Variants in TRIM55 observed in about 807,000 individuals in gnomAD.
TRIM55 encodes the protein tripartite motif-containing protein 55.
A neutral mutation model predicts 60.9 loss-of-function variants in TRIM55; 50 were observed. The ratio of observed to expected loss-of-function variants is 0.82; its 90% CI spans 0.65 to 1.04. TRIM55 has a LOEUF of 1.04. TRIM55 is among the 50% of genes least tolerant of loss of function. The pLI is 0.00. For synonymous variants in TRIM55, 237 were observed against 238.1 expected (o/e 1.00, Z 0.04); for missense variants, 681 against 666.9 (o/e 1.02, Z -0.23).
chr8:66,166,124 A>T (rs1313973069), intron 9 of TRIM55, among the ~76,000 whole-genome samples: 1 of 152,228 alleles, frequency 6.6e-6, no homozygotes, highest in Non-Finnish European at 1.5e-5. Flanking sequence ...GGACAATAAA[A>T]AAGTCAATAC....
intron 9 of TRIM55, among the ~76,000 whole-genome samples, chr8:66,161,077 G>C (rs966372813): frequency 3.3e-5 from 5 of 151,778 alleles, no homozygotes; most frequent in Non-Finnish European, 7.4e-5. Context: ...TTGGATTCTT[G>C]GTCATGAAGT....
intron 9 of TRIM55, among the ~76,000 whole-genome samples, chr8:66,165,209 C>A (rs962521992): frequency 6.6e-6 from 1 of 152,122 alleles, no homozygotes; most frequent in African/African-American, 2.4e-5. Flanking sequence ...GGAGGAGCAA[C>A]CTTTGTGAGC....
rs752870512 is a variant in TRIM55, at chr8:66,128,489, C to T, written c.341+13C>T. The T allele has an allele frequency of 1.8e-5, 29 of 1,609,862 alleles. No homozygotes were observed. The highest frequency in any genetic ancestry group is 2.3e-5 in the Non-Finnish European group (27 of 1,178,492). ...AGGAGTCCACCAGGTAACACTCTTC[C>T]ACTCTTCCATGTGTCAAGCCCATCT... On this transcript the variant is annotated intron_variant, in intron 2 of 9. Coordinates refer to ENST00000315962, the MANE Select transcript of TRIM55 (RefSeq NM_184085.2).
At chr8:66,138,562 T>C (rs1462324130) in intron 4 of TRIM55, among the ~76,000 whole-genome samples, 1 of 152,176 alleles carries the variant, frequency 6.6e-6, no homozygotes, top group East Asian at 1.9e-4. Flanking sequence ...GCTAATTTTT[T>C]GTATTTTTAG....
intron 9 of TRIM55, among the ~76,000 whole-genome samples, chr8:66,170,667 T>C (rs1182815051): frequency 2.0e-5 from 3 of 152,084 alleles, no homozygotes; most frequent in African/African-American, 7.2e-5. Context: ...GAGGATGTGG[T>C]AAAATTGGAA....
chr8:66,129,155 G>A (rs1051376167), intron 2 of TRIM55, among the ~76,000 whole-genome samples: 4 of 152,114 alleles, frequency 2.6e-5, no homozygotes, highest in Non-Finnish European at 4.4e-5. Flanking sequence ...GAATAACATC[G>A]TGATAGCATT....
chr8:66,147,217 A>T (rs1302823199), intron 4 of TRIM55, among the ~76,000 whole-genome samples: 2 of 152,238 alleles, frequency 1.3e-5, no homozygotes, highest in Admixed American at 6.5e-5. Context: ...CAGAGTCTTG[A>T]CACAAATGAC....
chr8:66,158,803 C>A (rs984638152), intron 9 of TRIM55, among the ~76,000 whole-genome samples: 2 of 152,174 alleles, frequency 1.3e-5, no homozygotes, highest in Non-Finnish European at 2.9e-5. Flanking sequence ...ATTTCCCAAA[C>A]CATTTTCCAG....
Position 66,150,227 on chromosome 8 carries a change from C to A in TRIM55, c.848C>A (p.Thr283Asn). The part of the protein sequence containing the change: ...EMAVFLQNAK[T>N]LLKKISEASK... ...TGTTTGCTTTCACAGAATGCCAAAA[C>A]CCTGCTAAAAAAGTAAGAACTTTTT... The change falls in exon 6 of 10, where the codon ACC (threonine) becomes AAC (asparagine). Residue 283 changes from threonine (T) to asparagine (N), a missense_variant. Thr to Asn is a moderately conservative substitution (Grantham distance 65). Transcript: ENST00000315962. The A allele has an allele frequency of 6.2e-7, 1 of 1,613,110 alleles. No homozygotes were observed. Among genetic ancestry groups the A allele is most frequent in the Non-Finnish European group, 8.5e-7 (1 of 1,179,460 alleles).
intron 9 of TRIM55, among the ~76,000 whole-genome samples, chr8:66,164,020 T>A (rs992939245): frequency 1.3e-5 from 2 of 150,938 alleles, no homozygotes; most frequent in South Asian, 2.1e-4. Flanking sequence ...TTTTTTTTTT[T>A]AAAGCAAAAC....
chr8:66,124,176 G>A (rs192860356), upstream of TRIM55, among the ~76,000 whole-genome samples: 1 of 152,176 alleles, frequency 6.6e-6, no homozygotes, highest in South Asian at 2.1e-4. Flanking sequence ...CCAGGGCTTC[G>A]CGACCTCTCA....
intron 4 of TRIM55, among the ~76,000 whole-genome samples, chr8:66,138,713 C>T (rs369662626): frequency 2.0e-5 from 3 of 152,258 alleles, no homozygotes; most frequent in African/African-American, 4.8e-5. Flanking sequence ...AAGATCCATT[C>T]GTGTTGCTAC....
rs577058730 is a variant in TRIM55 at position 66,153,074 on chromosome 8, A to C, written c.1236+447A>C. 3.3e-5 allele frequency among the ~76,000 whole-genome samples: 5 copies of C among 152,268 alleles called. 1 individual carries two copies. In the East Asian group the frequency reaches 9.7e-4, roughly 29 times the overall value. ...ATAAATAGCATACAGAGTAAGAAAT[A>C]AAAGTGATTATACTTTCAGAACTTT... is the stretch of plus-strand genomic sequence containing the variant. On this transcript the variant is annotated intron_variant, in intron 8 of 9. Transcript: ENST00000315962.
At chr8:66,149,968 A>T in intron 5 of TRIM55, 90 bp downstream of exon 5, 1 of 1,130,568 alleles carries the variant, frequency 8.8e-7, no homozygotes, top group Non-Finnish European at 1.3e-6. Flanking sequence ...TGTACATTTC[A>T]GTTTTTATTT....
Position 66,152,595 on chromosome 8 carries a change from C to T in TRIM55, c.1204C>T (p.Leu402=), listed in dbSNP as rs1477288630. 1.9e-6 allele frequency: 3 copies of T among 1,613,998 alleles called. No homozygotes were observed. The highest frequency in any genetic ancestry group is 1.3e-5 in the African/African-American group (1 of 74,928). ...TTCCTCTCCAGAGCCACCTCCAGCC[C>T]TGCCACCTGCTGCGGATGCCCCTGT... The part of the protein sequence containing the change: ...PVSSPEPPPA[L]PPAADAPVTQ... Residue 402 remains leucine (L), a synonymous_variant, in exon 8 of 10, where the codon CTG becomes TTG. Coordinates refer to ENST00000315962, the MANE Select transcript of TRIM55 (RefSeq NM_184085.2).
chr8:66,127,481 T>C (rs1808875142), intron 1 of TRIM55, 45 bp downstream of exon 1: 1 of 1,588,690 alleles, frequency 6.3e-7, no homozygotes, highest in African/African-American at 1.3e-5. Context: ...GTGGAAAAGA[T>C]TCCCTCCTCT....
intron 9 of TRIM55, among the ~76,000 whole-genome samples, chr8:66,166,264 T>G (rs758089215): frequency 6.6e-6 from 1 of 152,236 alleles, no homozygotes; most frequent in African/African-American, 2.4e-5. Flanking sequence ...AGTAGGGTAA[T>G]GAATTCATTC....
chr8:66,118,644 G>A, the TRIM55 span, among the ~76,000 whole-genome samples: 1 of 152,210 alleles, frequency 6.6e-6, no homozygotes, highest in South Asian at 2.1e-4. Flanking sequence ...TTGTTACATG[G>A]AGGGAAATTT....
chr8:66,150,208 C>T lies in TRIM55; in HGVS notation c.838-9C>T, dbSNP rs767331404. On this transcript the variant is annotated splice_polypyrimidine_tract_variant and intron_variant, in intron 5 of 9. Transcript: ENST00000315962. ...TTTAAGTAAGACTATCTTTTGTTTG[C>T]TTTCACAGAATGCCAAAACCCTGCT... The T allele has an allele frequency of 2.0e-5, 33 of 1,612,136 alleles. No individual in the cohort carries two copies. Among genetic ancestry groups the T allele is most frequent in the Non-Finnish European group, 2.5e-5 (30 of 1,179,052 alleles).
Sources: allele counts gnomAD v4.1 joint callset (sites outside exome capture counted in the v4.1 genomes callset), GRCh38; gene constraint gnomAD v4.1.1; transcripts MANE v1.5; gene names NCBI Gene and HGNC (gene_info 2026-07-23, HGNC 2026-07-21).